The following LDLRAD3 variants were observed in gnomAD, a reference collection of about 807,000 sequenced individuals.
The protein encoded by LDLRAD3 is low-density lipoprotein receptor class A domain-containing protein 3.
In LDLRAD3, 20 loss-of-function variants were observed where a neutral mutation model predicts 29.4. The observed-to-expected ratio is 0.68, with a 90% CI of 0.48 to 0.99. The LOEUF (loss-of-function observed/expected upper bound fraction) is 0.99. Among genes scored for constraint, LDLRAD3 ranks in the 50% least tolerant of loss-of-function variants. LDLRAD3 has a pLI of 0.00. For missense variants in LDLRAD3, 420 were observed against 454.3 expected, an observed-to-expected ratio of 0.92 and a Z score of 0.69; for synonymous variants, 157 against 192.7, an observed-to-expected ratio of 0.81 and a Z score of 1.53.
intron 3 of LDLRAD3, among the ~76,000 whole-genome samples, chr11:36,092,116 CGTATCGAATCTTGGCTTTGTCAGCAT>C (rs1431125682): frequency 6.6e-6 from 1 of 151,944 alleles, no homozygotes; most frequent in Non-Finnish European, 1.5e-5. Flanking sequence ...CTATCTGAGA[CGTATCGAATCTTGGCTTTGTCAGCAT>C]GTACCTTTTT....
intron 4 of LDLRAD3, among the ~76,000 whole-genome samples, chr11:36,148,515 T>A (rs1175600626): frequency 6.6e-6 from 1 of 152,134 alleles, no homozygotes. Context: ...CTTCTGACAG[T>A]TATATTTACC....
Position 36,135,864 on chromosome 11 carries a change from A to G in LDLRAD3, c.454+37403A>G, listed in dbSNP as rs551200942. Among the ~76,000 whole-genome samples, 3 of 152,300 alleles carry G rather than the reference A, an allele frequency of 2.0e-5. No individual in the cohort carries two copies. The East Asian group carries it at 5.8e-4, about 29-fold the overall frequency. ...GGCAGAGGTTGCAGTGAGCCGAGAT[A>G]GCACCACTGCACTCCAGCCCAGGCA... On this transcript the variant is annotated intron_variant, in intron 4 of 5. Coordinates refer to ENST00000315571, the MANE Select transcript of LDLRAD3 (RefSeq NM_174902.4).
chr11:35,950,776 C>T (rs986586046), intron 1 of LDLRAD3, among the ~76,000 whole-genome samples: 2 of 152,132 alleles, frequency 1.3e-5, no homozygotes, highest in African/African-American at 2.4e-5. Context: ...TCTTGAATTA[C>T]AAACACTGCA....
At chr11:36,017,093 A>G (rs1249149213) in intron 1 of LDLRAD3, among the ~76,000 whole-genome samples, 1 of 152,234 alleles carries the variant, frequency 6.6e-6, no homozygotes, top group African/African-American at 2.4e-5. Flanking sequence ...TGTTTTTTAC[A>G]TTATTAACTG....
intron 4 of LDLRAD3, among the ~76,000 whole-genome samples, chr11:36,218,832 G>T (rs139281469): frequency 2.6e-5 from 4 of 152,336 alleles, no homozygotes; most frequent in Non-Finnish European, 5.9e-5. Flanking sequence ...CAACCTAAAG[G>T]TACTTCAATA....
intron 3 of LDLRAD3, among the ~76,000 whole-genome samples, chr11:36,094,289 C>T (rs1853326706): frequency 6.6e-6 from 1 of 152,200 alleles, no homozygotes; most frequent in African/African-American, 2.4e-5. Flanking sequence ...CCCTGTTTTG[C>T]CTAGCACCAG....
Position 36,224,348 on chromosome 11 carries a change from G to T in LDLRAD3, c.455-2737G>T, listed in dbSNP as rs1262802900. 2.0e-5 allele frequency among the ~76,000 whole-genome samples: 3 copies of T among 152,140 alleles called. No homozygotes were observed. The East Asian group carries it at 5.8e-4, about 29-fold the overall frequency. On this transcript the variant is annotated intron_variant, in intron 4 of 5. Transcript: ENST00000315571. ...AAACAGCTAGAAGCAGTGGCTCCAGGATTCCCCCAAGGCTCCTAACTCTAC... is the reference window on the plus strand; with the variant it reads ...AAACAGCTAGAAGCAGTGGCTCCAGTATTCCCCCAAGGCTCCTAACTCTAC...
At chr11:35,976,587 C>T (rs1851478971) in intron 1 of LDLRAD3, among the ~76,000 whole-genome samples, 2 of 152,142 alleles carry the variant, frequency 1.3e-5, no homozygotes, top group Admixed American at 1.3e-4. Flanking sequence ...TCATTTCCTC[C>T]CCTCCTGTGA....
intron 2 of LDLRAD3, among the ~76,000 whole-genome samples, chr11:36,051,173 A>T (rs2133223314): frequency 6.6e-6 from 1 of 152,342 alleles, no homozygotes; most frequent in Middle Eastern, 3.4e-3. Flanking sequence ...TAAAGAAAGA[A>T]GAGGATGCTG....
chr11:35,953,891 G>T (rs1851168821), intron 1 of LDLRAD3, among the ~76,000 whole-genome samples: 2 of 152,140 alleles, frequency 1.3e-5, no homozygotes, highest in African/African-American at 4.8e-5. Context: ...TAAAAAGTAT[G>T]ATACTAGCAA....
chr11:36,119,722 T>C (rs1405449956), intron 4 of LDLRAD3, among the ~76,000 whole-genome samples: 2 of 152,204 alleles, frequency 1.3e-5, no homozygotes, highest in South Asian at 2.1e-4. Context: ...TTTTTTTAAT[T>C]CTTCAGACAA....
At chr11:36,026,121 G>C (rs933663855) in intron 1 of LDLRAD3, among the ~76,000 whole-genome samples, 1 of 152,058 alleles carries the variant, frequency 6.6e-6, no homozygotes, top group African/African-American at 2.4e-5. Context: ...TAAAAAATCT[G>C]TATGTACCCA....
chr11:36,015,669 G>A (rs1214486668), intron 1 of LDLRAD3, among the ~76,000 whole-genome samples: 1 of 121,006 alleles, frequency 8.3e-6, no homozygotes, highest in Non-Finnish European at 1.7e-5. Flanking sequence ...CCTGCCCCCC[G>A]CCACTGTTCT....
chr11:36,201,825 G>A (rs930197573), intron 4 of LDLRAD3, among the ~76,000 whole-genome samples: 3 of 152,310 alleles, frequency 2.0e-5, no homozygotes, highest in Non-Finnish European at 4.4e-5. Flanking sequence ...GGAGGCAGTC[G>A]CGGATGTGGT....
At chr11:36,098,909 A>G (rs1853404793) in intron 4 of LDLRAD3, among the ~76,000 whole-genome samples, 2 of 151,720 alleles carry the variant, frequency 1.3e-5, no homozygotes, top group African/African-American at 4.8e-5. Flanking sequence ...TTTTAAGTTT[A>G]CATTGCTGAC....
At chr11:36,228,685 C>T (rs1220608809) in intron 5 of LDLRAD3, among the ~76,000 whole-genome samples, 1 of 152,178 alleles carries the variant, frequency 6.6e-6, no homozygotes, top group Non-Finnish European at 1.5e-5. Context: ...CTTTTAAGCC[C>T]CTTCTGCCGA....
At chr11:35,954,224 G>A (rs1219887879) in intron 1 of LDLRAD3, among the ~76,000 whole-genome samples, 2 of 152,134 alleles carry the variant, frequency 1.3e-5, no homozygotes, top group Non-Finnish European at 2.9e-5. Flanking sequence ...AAGCATACCA[G>A]AACAGTCAGA....
intron 4 of LDLRAD3, among the ~76,000 whole-genome samples, chr11:36,107,124 A>G (rs1853539786): frequency 6.6e-6 from 1 of 152,198 alleles, no homozygotes; most frequent in African/African-American, 2.4e-5. Context: ...TGAGATTTTA[A>G]GATGTGTCTG....
Position 35,959,120 on chromosome 11 carries a change from G to A in LDLRAD3, c.46+14976G>A, listed in dbSNP as rs928866238. 7.2e-5 allele frequency among the ~76,000 whole-genome samples: 11 copies of A among 152,294 alleles called. No individual in the cohort carries two copies. In the East Asian group the frequency reaches 2.1e-3, roughly 29 times the overall value. On this transcript the variant is annotated intron_variant, in intron 1 of 5. Transcript: ENST00000315571. ...GATTCTGGTCAGCCTGATGGAGAAG[G>A]AACGCCGTCTCCCAGCTCGCAACTT...
Sources: gnomAD v4.1 joint callset for allele counts (sites outside exome capture counted in the v4.1 genomes callset) on GRCh38, gnomAD v4.1.1 for gene constraint, MANE v1.5 for transcripts, NCBI Gene and HGNC (gene_info 2026-07-23, HGNC 2026-07-21) for gene names.